The following PTPRR variants were observed in gnomAD, a reference collection of about 807,000 sequenced individuals.
PTPRR encodes protein tyrosine phosphatase receptor type R, also known as receptor-type tyrosine-protein phosphatase R.
In PTPRR, 38 loss-of-function variants were observed where a neutral mutation model predicts 77.2. That is an observed-to-expected ratio of 0.49 (90% CI 0.38 to 0.65). PTPRR has a LOEUF of 0.65. Ranked by LOEUF, PTPRR falls within the 30% of genes least tolerant of loss-of-function variation. The pLI is 0.00. For missense variants in PTPRR, 744 were observed against 799.2 expected (o/e 0.93, Z 0.83); for synonymous variants, 299 against 283.1 (o/e 1.06, Z -0.57).
intron 13 of PTPRR, among the ~76,000 whole-genome samples, chr12:70,648,706 G>A (rs1000458178): frequency 2.0e-4 from 30 of 151,938 alleles, no homozygotes; most frequent in African/African-American, 7.3e-4. Flanking sequence ...AGAGATGTCC[G>A]GCACCTCATT....
chr12:70,787,778 G>T (rs1891352933), intron 2 of PTPRR, among the ~76,000 whole-genome samples: 1 of 152,092 alleles, frequency 6.6e-6, no homozygotes, highest in African/African-American at 2.4e-5. Context: ...GGGCCATCTT[G>T]ATGACTGTTT....
At chr12:70,719,080 C>T (rs937114857) in intron 6 of PTPRR, among the ~76,000 whole-genome samples, 3 of 152,136 alleles carry the variant, frequency 2.0e-5, no homozygotes, top group Admixed American at 1.3e-4. Flanking sequence ...AGATCCACAC[C>T]TAACAAATTC....
intron 2 of PTPRR, among the ~76,000 whole-genome samples, chr12:70,861,167 G>T (rs933119642): frequency 6.6e-6 from 1 of 152,170 alleles, no homozygotes; most frequent in African/African-American, 2.4e-5. Flanking sequence ...AACTAACAGT[G>T]TTCAAGAAGC....
At chr12:70,775,881 TTTATGCCTTTGAACTG>T (rs748602106) in intron 2 of PTPRR, among the ~76,000 whole-genome samples, 7 of 152,154 alleles carry the variant, frequency 4.6e-5, no homozygotes, top group Non-Finnish European at 8.8e-5. Flanking sequence ...AGGTTCTCTG[TTTATGCCTTTGAACTG>T]AGTAGAGAAC....
intron 4 of PTPRR, among the ~76,000 whole-genome samples, chr12:70,758,251 C>G (rs1890607375): frequency 6.6e-6 from 1 of 152,154 alleles, no homozygotes. Context: ...AAAACACTTT[C>G]CTTATTCAAA....
At chr12:70,838,865 C>A (rs2467004) in intron 2 of PTPRR, among the ~76,000 whole-genome samples, 4 of 151,884 alleles carry the variant, frequency 2.6e-5, no homozygotes, top group Non-Finnish European at 5.9e-5. Context: ...TCTGTGGACC[C>A]AGATTGCTAA....
At chr12:70,688,172 G>A (rs1046839560) in intron 8 of PTPRR, among the ~76,000 whole-genome samples, 3 of 152,032 alleles carry the variant, frequency 2.0e-5, no homozygotes, top group African/African-American at 7.2e-5. Flanking sequence ...ACATTGATGT[G>A]GGCAAAAATT....
chr12:70,880,065 G>A (rs920992975), intron 2 of PTPRR, among the ~76,000 whole-genome samples: 2 of 152,088 alleles, frequency 1.3e-5, no homozygotes, highest in African/African-American at 4.8e-5. Flanking sequence ...CCAACCAATG[G>A]CTTAGGAGAA....
At chr12:70,909,648 A>G (rs1355495762) in intron 1 of PTPRR, among the ~76,000 whole-genome samples, 2 of 152,174 alleles carry the variant, frequency 1.3e-5, no homozygotes, top group East Asian at 3.9e-4. Context: ...ACATAAACTC[A>G]TTGTAGGATA....
chr12:70,641,477 T>C (rs1885998250), intron 13 of PTPRR, among the ~76,000 whole-genome samples: 1 of 152,192 alleles, frequency 6.6e-6, no homozygotes, highest in Non-Finnish European at 1.5e-5. Flanking sequence ...ATTTAATGGT[T>C]GGAGTATATT....
chr12:70,765,526 G>A (rs1398557916), intron 2 of PTPRR, among the ~76,000 whole-genome samples: 1 of 152,178 alleles, frequency 6.6e-6, no homozygotes, highest in Non-Finnish European at 1.5e-5. Context: ...ACTGGGTGGA[G>A]CCCACCACAG....
intron 1 of PTPRR, among the ~76,000 whole-genome samples, chr12:70,899,844 AAT>A (rs1304702428): frequency 6.6e-6 from 1 of 151,468 alleles, no homozygotes; most frequent in African/African-American, 2.4e-5. Context: ...GCAAGGTCAC[AAT>A]ATATAAAGGC....
chr12:70,892,192 G>A (rs1034574319), intron 2 of PTPRR, among the ~76,000 whole-genome samples: 2 of 151,928 alleles, frequency 1.3e-5, no homozygotes, highest in African/African-American at 4.8e-5. Flanking sequence ...CATTTTATTT[G>A]CTCCAGTGAC....
chr12:70,805,615 C>G (rs192626816), intron 2 of PTPRR, among the ~76,000 whole-genome samples: 2 of 152,306 alleles, frequency 1.3e-5, no homozygotes, highest in African/African-American at 2.4e-5. Context: ...CCTGTTTCGG[C>G]TGGGACTTTT....
chr12:70,723,839 A>AT (rs1273750339), intron 6 of PTPRR, among the ~76,000 whole-genome samples: 12 of 152,056 alleles, frequency 7.9e-5, no homozygotes, highest in African/African-American at 2.9e-4. Flanking sequence ...CTGAAGTTTT[A>AT]TTTTTTATTG....
At chr12:70,873,541 G>A (rs549391971) in intron 2 of PTPRR, among the ~76,000 whole-genome samples, 1 of 152,278 alleles carries the variant, frequency 6.6e-6, no homozygotes, top group African/African-American at 2.4e-5. Context: ...AATGAACAAT[G>A]CAACGTCTTT....
In PTPRR at chr12:70,674,521, C is replaced by CT. The variant is rs1283697615; in HGVS notation, c.1497+9605dup. Among the ~76,000 whole-genome samples, 3 of 152,136 alleles carry CT rather than the reference C, an allele frequency of 2.0e-5. No individual in the cohort carries two copies. The East Asian group carries it at 5.8e-4, about 29-fold the overall frequency. On this transcript the variant is annotated intron_variant, in intron 10 of 13. Coordinates refer to ENST00000283228, the MANE Select transcript of PTPRR (RefSeq NM_002849.4). ...TCCATGAATTGTGTGTGTGTTAAAACTTTTTTTAAGCATCAAAGTGTATTT... is the reference window on the plus strand; with the variant it reads ...TCCATGAATTGTGTGTGTGTTAAAACTTTTTTTTAAGCATCAAAGTGTATTT...
chr12:70,838,442 T>C (rs1429473922), intron 2 of PTPRR, among the ~76,000 whole-genome samples: 5 of 152,188 alleles, frequency 3.3e-5, no homozygotes, highest in Admixed American at 2.0e-4. Context: ...TAATGCATCT[T>C]GACAAAGGAG....
chr12:70,643,321 T>TG (rs1886076974), intron 13 of PTPRR, among the ~76,000 whole-genome samples: 1 of 151,260 alleles, frequency 6.6e-6, no homozygotes, highest in Non-Finnish European at 1.5e-5. Context: ...GTGTGTGTGT[T>TG]TTTTGTGTTT....
Sources: allele counts gnomAD v4.1 joint callset (sites outside exome capture counted in the v4.1 genomes callset), GRCh38; gene constraint gnomAD v4.1.1; transcripts MANE v1.5; gene names NCBI Gene and HGNC (gene_info 2026-07-23, HGNC 2026-07-21).